Variants in PHC2 observed in about 807,000 individuals in gnomAD.
PHC2 encodes polyhomeotic-like protein 2.
In PHC2, 29 loss-of-function variants were observed where a neutral mutation model predicts 87.4. That is an observed-to-expected ratio of 0.33 (90% CI 0.25 to 0.45). The LOEUF (loss-of-function observed/expected upper bound fraction) is 0.45. Ranked by LOEUF, PHC2 falls within the 20% of genes least tolerant of loss-of-function variation. The probability of loss-of-function intolerance (pLI) is 1.00; values close to 1 mark genes in which losing one functional copy is unlikely to be tolerated. For synonymous variants in PHC2, 438 were observed against 461.7 expected (o/e 0.95, Z 0.66); for missense variants, 857 against 1,136.7 (o/e 0.75, Z 3.54).
In PHC2 at chr1:33,368,857, C is replaced by G. The variant is rs1023000483; in HGVS notation, c.577-235G>C. 2.6e-5 allele frequency among the ~76,000 whole-genome samples: 4 copies of G among 152,062 alleles called. No homozygotes were observed. The highest frequency in any genetic ancestry group is 9.7e-5 in the African/African-American group (4 of 41,398). On this transcript the variant is annotated intron_variant, in intron 5 of 14. Coordinates refer to ENST00000683057, the MANE Select transcript of PHC2 (RefSeq NM_001385109.1). The surrounding 1 kb of genome is among the most constrained non-coding windows in gnomAD (Gnocchi z 6.6). ...CCTTTCTCTAGAGGCTCGTTGCATC[C>G]TGACCCAGGCTGGGTGCAGGGGTGG...
chr1:33,350,049 G>A (rs1168585634), intron 9 of PHC2, among the ~76,000 whole-genome samples: 2 of 151,506 alleles, frequency 1.3e-5, no homozygotes, highest in Admixed American at 6.6e-5. Flanking sequence ...CCTCCGGAAG[G>A]CGGGTTAGGG....
At chr1:33,417,817 T>C (rs1300738475) in intron 1 of PHC2, among the ~76,000 whole-genome samples, 1 of 152,098 alleles carries the variant, frequency 6.6e-6, no homozygotes, top group African/African-American at 2.4e-5. Flanking sequence ...CAACAGAATA[T>C]ACATTCTGGG....
rs114098261 is a variant in PHC2 at position 33,392,387 on chromosome 1, C to G, written c.-54-16794G>C. Among the ~76,000 whole-genome samples, 1,095 of 152,242 alleles carry G rather than the reference C, an allele frequency of 7.2e-3. 7 individuals are homozygous for G. The highest frequency in any genetic ancestry group is 0.015 in the South Asian group (71 of 4,814). ...TTTTCTGTTATGCCTCATTCACATG[C>G]GCGTTCTCACGTTCTGTTCCTTGCA... On this transcript the variant is annotated intron_variant, in intron 1 of 14. Transcript: ENST00000683057.
chr1:33,335,425 G>C, intron 9 of PHC2: 11 of 714,494 alleles, frequency 1.5e-5, no homozygotes, highest in East Asian at 1.3e-4. Flanking sequence ...GCATACCCCA[G>C]TGAGGTATGA....
intron 1 of PHC2, among the ~76,000 whole-genome samples, chr1:33,376,157 C>T (rs1648167008): frequency 6.6e-6 from 1 of 152,214 alleles, no homozygotes; most frequent in African/African-American, 2.4e-5. Flanking sequence ...GCCTCAGCCT[C>T]CTGAGTAGCT....
chr1:33,405,229 C>T (rs373707479), intron 1 of PHC2, among the ~76,000 whole-genome samples: 23 of 149,130 alleles, frequency 1.5e-4, no homozygotes, highest in African/African-American at 5.2e-4. Flanking sequence ...CGCTCTGTGT[C>T]GCCCAGGCTG....
intron 1 of PHC2, among the ~76,000 whole-genome samples, chr1:33,411,718 G>A (rs567634230): frequency 1.4e-4 from 21 of 152,026 alleles, no homozygotes; most frequent in Middle Eastern, 3.4e-3. Context: ...GCGCCACCAC[G>A]CCCAGCTAAT....
intron 9 of PHC2, chr1:33,345,250 T>C (rs1433641724): frequency 6.6e-6 from 1 of 152,274 alleles, no homozygotes; most frequent in Non-Finnish European, 1.5e-5. Context: ...TAAATTTCAC[T>C]GCTAAGACGA....
intron 13 of PHC2, among the ~76,000 whole-genome samples, chr1:33,329,782 G>T (rs1450630990): frequency 6.6e-6 from 1 of 152,202 alleles, no homozygotes; most frequent in Non-Finnish European, 1.5e-5. Context: ...CAGCCCAGGG[G>T]AGACCCCATT....
chr1:33,426,137 T>C lies in PHC2; in HGVS notation c.-55+4839A>G, dbSNP rs534343833. Among the ~76,000 whole-genome samples the C allele has an allele frequency of 9.8e-5, 15 of 152,346 alleles. 1 individual carries two copies. Among genetic ancestry groups the C allele is most frequent in the Admixed American group, 4.6e-4 (7 of 15,310 alleles). ...AACCATGAAACCCAGAAAAACCTAA[T>C]TGGTTCTCAGTTCACTAATCACTTT... On this transcript the variant is annotated intron_variant, in intron 1 of 14. Coordinates refer to ENST00000683057, the MANE Select transcript of PHC2 (RefSeq NM_001385109.1).
intron 1 of PHC2, among the ~76,000 whole-genome samples, chr1:33,389,548 T>C (rs905344801): frequency 6.6e-6 from 1 of 152,178 alleles, no homozygotes; most frequent in African/African-American, 2.4e-5. Context: ...GCTTCTGCCC[T>C]GGCAACTTGT....
intron 1 of PHC2, among the ~76,000 whole-genome samples, chr1:33,401,631 A>C (rs987792363): frequency 6.6e-6 from 1 of 152,216 alleles, no homozygotes; most frequent in Admixed American, 6.5e-5. Flanking sequence ...TTTTGTGTAT[A>C]GGAAAGGAGT....
intron 7 of PHC2, among the ~76,000 whole-genome samples, chr1:33,355,935 CTT>C (rs1647062548): frequency 6.6e-6 from 1 of 152,176 alleles, no homozygotes; most frequent in South Asian, 2.1e-4. Flanking sequence ...AGAAAAATGA[CTT>C]AATGTGCACA....
chr1:33,350,548 A>G (rs1389130025), intron 9 of PHC2: 1 of 152,372 alleles, frequency 6.6e-6, no homozygotes, highest in Non-Finnish European at 1.5e-5. Flanking sequence ...GGGGGTACAG[A>G]GACGTGCAGC....
Position 33,370,545 on chromosome 1 carries a change from T to C in PHC2, c.452A>G (p.Asn151Ser). 3 of 1,613,862 alleles carry C rather than the reference T, an allele frequency of 1.9e-6. No homozygotes were observed. Among genetic ancestry groups the C allele is most frequent in the Non-Finnish European group, 1.7e-6 (2 of 1,179,824 alleles). ...TGCAGAGTTCACACTCTGGGCCCGG[T>C]TGAGGAGCTGGGCTGCTGCTGGGGA... ...AASPAAAQLL[N>S]RAQSVNSAAA... The change falls in exon 5 of 15, where the codon AAC becomes AGC. Residue 151 changes from asparagine (N) to serine (S), a missense_variant. Physicochemically the swap from Asn to Ser is conservative, Grantham distance 46. This residue lies in a region of PHC2 where 832 missense variants were observed against 1,081.8 expected (regional missense o/e 0.77). Transcript: ENST00000683057.
chr1:33,390,498 G>T (rs1021801892), intron 1 of PHC2, among the ~76,000 whole-genome samples: 2 of 152,076 alleles, frequency 1.3e-5, no homozygotes, highest in Admixed American at 1.3e-4. Flanking sequence ...CATCTCTTTT[G>T]GATTCCCACA....
chr1:33,329,158 G>C lies in PHC2; in HGVS notation c.2149-12C>G. 6.2e-7 allele frequency: 1 copy of C among 1,607,468 alleles called. No homozygotes were observed. Among genetic ancestry groups the C allele is most frequent in the South Asian group, 1.1e-5 (1 of 90,962 alleles). Reference sequence around the variant, plus strand: ...ACAGTGCCTGTTGGCTGGGAGCAGAGAGTTTTCTTCAGGATGGGGGAACAA... The same window carrying C: ...ACAGTGCCTGTTGGCTGGGAGCAGACAGTTTTCTTCAGGATGGGGGAACAA... On this transcript the variant is annotated splice_polypyrimidine_tract_variant and intron_variant, in intron 13 of 14. Transcript: ENST00000683057.
intron 1 of PHC2, among the ~76,000 whole-genome samples, chr1:33,379,233 G>A (rs1648335369): frequency 6.6e-6 from 1 of 150,834 alleles, no homozygotes; most frequent in Non-Finnish European, 1.5e-5. Flanking sequence ...CTCCTCCTGT[G>A]GGCAAGCATG....
At chr1:33,344,922 A>C (rs144855867) in intron 9 of PHC2, among the ~76,000 whole-genome samples, 1 of 151,812 alleles carries the variant, frequency 6.6e-6, no homozygotes, top group South Asian at 2.1e-4. Flanking sequence ...TAGTTGCTTC[A>C]TATTAGTTTT....
Sources: allele counts gnomAD v4.1 joint callset (sites outside exome capture counted in the v4.1 genomes callset), GRCh38; gene constraint gnomAD v4.1.1; regional missense constraint gnomAD v4.1.1; non-coding constraint Gnocchi (gnomAD v3.1); transcripts MANE v1.5; gene names NCBI Gene and HGNC (gene_info 2026-07-23, HGNC 2026-07-21).